CCDC57: variants seen among roughly 807,000 people sequenced by gnomAD.
CCDC57 encodes the protein coiled-coil domain containing 57, also known as coiled-coil domain-containing protein 57.
CCDC57 carries 118 observed loss-of-function variants against 118.9 expected under a neutral mutation model. That is an observed-to-expected ratio of 0.99 (90% CI 0.86 to 1.16). The LOEUF (loss-of-function observed/expected upper bound fraction) is 1.16. Ranked by LOEUF, CCDC57 falls within the 50% of genes most tolerant of loss-of-function variation. The pLI, the probability that CCDC57 is intolerant of heterozygous loss-of-function variation, is 0.00. For synonymous variants in CCDC57, 527 were observed against 532.9 expected, an observed-to-expected ratio of 0.99 and a Z score of 0.15; for missense variants, 1,300 against 1,320.7, an observed-to-expected ratio of 0.98 and a Z score of 0.24.
At chr17:82,138,700 G>A (rs1480153775) in intron 16 of CCDC57, among the ~76,000 whole-genome samples, 1 of 151,962 alleles carries the variant, frequency 6.6e-6, no homozygotes, top group Non-Finnish European at 1.5e-5. Context: ...GGTCGGAAGA[G>A]ACGCGTGGCC....
chr17:82,181,574 T>C lies in CCDC57; in HGVS notation c.1211+2200A>G, dbSNP rs186131237. 1.2e-3 allele frequency among the ~76,000 whole-genome samples: 184 copies of C among 151,998 alleles called. 2 individuals carry two copies. Among genetic ancestry groups the C allele is most frequent in the African/African-American group, 4.1e-3 (169 of 41,452 alleles). ...AAAACTTACCAGATGGGCAAGGAAG[T>C]AGAAAAAAATGTAGCTCTCTCCAGT... On this transcript the variant is annotated intron_variant, in intron 9 of 19. Transcript: ENST00000665763.
At chr17:82,125,051 G>A (rs1365128104) in intron 19 of CCDC57, among the ~76,000 whole-genome samples, 1 of 152,180 alleles carries the variant, frequency 6.6e-6, no homozygotes, top group Non-Finnish European at 1.5e-5. Flanking sequence ...AGTGGGACGC[G>A]GCTGCGTGGA....
chr17:82,117,685 A>G (rs1281813667), intron 19 of CCDC57, among the ~76,000 whole-genome samples: 4 of 35,408 alleles, frequency 1.1e-4, no homozygotes, highest in East Asian at 7.4e-4. Flanking sequence ...AATGGACTAG[A>G]AAAAAAAGGC....
At chr17:82,137,693 G>A (rs1413992416) in intron 16 of CCDC57, among the ~76,000 whole-genome samples, 1 of 92,698 alleles carries the variant, frequency 1.1e-5, no homozygotes, top group Non-Finnish European at 2.2e-5. Context: ...TTTTTTTTTT[G>A]AGATGGAGTC....
chr17:82,132,121 A>AGG (rs1326125848), intron 17 of CCDC57, among the ~76,000 whole-genome samples: 13 of 51,626 alleles, frequency 2.5e-4, no homozygotes, highest in African/African-American at 8.2e-4. Context: ...TCTGTCTCAA[A>AGG]AAAAAAAAAA....
chr17:82,207,139 G>A (rs762615127), intron 2 of CCDC57, among the ~76,000 whole-genome samples: 11 of 152,092 alleles, frequency 7.2e-5, no homozygotes, highest in African/African-American at 2.7e-4. Context: ...CCAGGAGTTC[G>A]AGACCAGCCA....
intron 19 of CCDC57, among the ~76,000 whole-genome samples, chr17:82,123,289 G>C (rs926812151): frequency 4.1e-5 from 5 of 121,904 alleles, no homozygotes; most frequent in Admixed American, 1.0e-4. Flanking sequence ...CAGTGTGCCC[G>C]GCCCTTTTTT....
intron 8 of CCDC57, chr17:82,184,904 T>C (rs2046746811): frequency 6.6e-6 from 1 of 152,334 alleles, no homozygotes; most frequent in Non-Finnish European, 1.5e-5. Context: ...TGACACAGAA[T>C]GTGTGTTTGG....
rs919502541 is a variant in CCDC57, at chr17:82,114,159, A to G, written c.2900-12293T>C. ...TTCCCTGCGCGTTTACAGAGGAGGT[A>G]CAGACTGTTCTTCACTGTCCCCGTT... is the stretch of plus-strand genomic sequence containing the variant. On this transcript the variant is annotated intron_variant, in intron 19 of 19. Coordinates refer to ENST00000665763, the Ensembl canonical transcript of CCDC57. 2.6e-5 allele frequency among the ~76,000 whole-genome samples: 4 copies of G among 152,356 alleles called. No homozygotes were observed. In the South Asian group the frequency reaches 8.3e-4, roughly 32 times the overall value.
At chr17:82,127,171 C>T (rs1334344773) in intron 19 of CCDC57, 74 of 985,334 alleles carry the variant, frequency 7.5e-5, no homozygotes, top group Non-Finnish European at 8.6e-5. Flanking sequence ...AGGGCGGCAA[C>T]GTCCGCGCAG....
In CCDC57 at chr17:82,179,092, T is replaced by G. The variant is rs138891929; in HGVS notation, c.1309A>C (p.Ile437Leu). The change falls in exon 10 of 20, where the codon ATT becomes CTT. Residue 437 changes from isoleucine (I) to leucine (L), a missense_variant. Physicochemically the swap from Ile to Leu is conservative, Grantham distance 5. Coordinates refer to ENST00000665763, the Ensembl canonical transcript of CCDC57. Reference sequence around the variant, plus strand: ...GACTTTTGGATCTGGTCCCTTTCAATGTCATCACAGCGGCGCTGCCAGTCC... The same window carrying G: ...GACTTTTGGATCTGGTCCCTTTCAAGGTCATCACAGCGGCGCTGCCAGTCC... 3.1e-6 allele frequency: 5 copies of G among 1,613,996 alleles called. No individual in the cohort carries two copies. The South Asian group carries it at 4.4e-5, about 14-fold the overall frequency.
chr17:82,201,773 C>T (rs1409358603), exon 3 of CCDC57: 1 of 1,613,834 alleles, frequency 6.2e-7, no homozygotes, highest in Admixed American at 1.7e-5. Flanking sequence ...AGGTTGTAGA[C>T]AAAGTCCTCC....
chr17:82,184,734 G>A (rs536105112), intron 8 of CCDC57, among the ~76,000 whole-genome samples: 180 of 152,198 alleles, frequency 1.2e-3, no homozygotes, highest in Non-Finnish European at 2.3e-3. Context: ...CCCTTGTCAC[G>A]AGGGGTTAAA....
Position 82,157,965 on chromosome 17 carries a change from A to C in CCDC57, c.2041-17T>G. On this transcript the variant is annotated splice_polypyrimidine_tract_variant and intron_variant, in intron 14 of 19. Transcript: ENST00000665763. Reference sequence around the variant, plus strand: ...CCGCAGCACCTAGGGGTCATTTCAAAGGCAGTGTGAGGAATGAGGCAGTGG... The same window carrying C: ...CCGCAGCACCTAGGGGTCATTTCAACGGCAGTGTGAGGAATGAGGCAGTGG... The C allele has an allele frequency of 6.5e-7, 1 of 1,546,634 alleles. No homozygotes were observed. The highest frequency in any genetic ancestry group is 8.7e-7 in the Non-Finnish European group (1 of 1,145,100).
intron 16 of CCDC57, among the ~76,000 whole-genome samples, chr17:82,139,001 C>G (rs375082216): frequency 1.4e-3 from 207 of 152,198 alleles, no homozygotes; most frequent in African/African-American, 4.8e-3. Flanking sequence ...TGTTACTAGG[C>G]AGACGGCCAC....
chr17:82,158,488 C>T (rs774497085), intron 14 of CCDC57, among the ~76,000 whole-genome samples: 9 of 151,804 alleles, frequency 5.9e-5, no homozygotes, highest in Non-Finnish European at 1.2e-4. Flanking sequence ...GAGATCGAGA[C>T]CATCCTGGCC....
intron 19 of CCDC57, 57 bp downstream of exon 18, chr17:82,127,634 AG>A (rs902463401): frequency 1.0e-5 from 16 of 1,524,380 alleles, no homozygotes; most frequent in African/African-American, 1.4e-5. Context: ...CCCCTCGGAG[AG>A]GGTGGCCCTC....
chr17:82,125,365 C>G lies in CCDC57; in HGVS notation c.2899+2327G>C, dbSNP rs116492657. ...TCAGCCTGGGCAACATAGGGAGACA[C>G]CATCTCTACTAAATTTTTTTTTTTT... On this transcript the variant is annotated intron_variant, in intron 19 of 19. Coordinates refer to ENST00000665763, the Ensembl canonical transcript of CCDC57. Among the ~76,000 whole-genome samples, 474 of 151,160 alleles carry G rather than the reference C, an allele frequency of 3.1e-3. 6 individuals carry two copies. Among genetic ancestry groups the G allele is most frequent in the African/African-American group, 0.011 (461 of 41,400 alleles).
chr17:82,171,947 C>T lies in CCDC57; in HGVS notation c.1730-94G>A, dbSNP rs534642120. The T allele has an allele frequency of 2.7e-5, 36 of 1,339,236 alleles. No individual in the cohort carries two copies. In the East Asian group the frequency reaches 8.1e-4, roughly 30 times the overall value. The allele number at this position is 1,339,236 out of a possible 1,614,324, so 83.0% of individuals were successfully genotyped here. ...CCAGCTCAGGGAGCCGATGCCAGCT[C>T]ATGCCCGCCAGCTTCACTGTCCCTG... On this transcript the variant is annotated intron_variant, in intron 12 of 19. Coordinates refer to ENST00000665763, the Ensembl canonical transcript of CCDC57.
Sources: allele counts gnomAD v4.1 joint callset (sites outside exome capture counted in the v4.1 genomes callset), GRCh38; gene constraint gnomAD v4.1.1; transcripts MANE v1.5; gene names NCBI Gene and HGNC (gene_info 2026-07-23, HGNC 2026-07-21).